The following BAIAP2L1 variants were observed in gnomAD, a reference collection of about 807,000 sequenced individuals.
The protein encoded by BAIAP2L1 is BAR/IMD domain-containing adapter protein 2-like 1.
BAIAP2L1 carries 35 observed loss-of-function variants against 66.3 expected under a neutral mutation model. The observed-to-expected ratio is 0.53, with a 90% CI of 0.40 to 0.70. The LOEUF (loss-of-function observed/expected upper bound fraction) is 0.70. Ranked by LOEUF, BAIAP2L1 falls within the 30% of genes least tolerant of loss-of-function variation. The probability of loss-of-function intolerance (pLI) is 0.00; values close to 1 mark genes in which losing one functional copy is unlikely to be tolerated. For synonymous variants in BAIAP2L1, 269 were observed against 248.7 expected (o/e 1.08, Z -0.77); for missense variants, 622 against 656.9 (o/e 0.95, Z 0.58).
At chr7:98,312,036 T>C in intron 8 of BAIAP2L1, 61 bp downstream of exon 8, 1 of 1,502,000 alleles carries the variant, frequency 6.7e-7, no homozygotes, top group Non-Finnish European at 9.0e-7. Flanking sequence ...ACAGGCAAAT[T>C]TGGCCCAGAT....
At chr7:98,320,179 A>C (rs1414447318) in intron 4 of BAIAP2L1, 50 bp from the exon 5 acceptor site, 1 of 1,590,272 alleles carries the variant, frequency 6.3e-7, no homozygotes, top group Non-Finnish European at 8.6e-7. Flanking sequence ...TTTTAAGCAA[A>C]ATAAGTTCTA....
At chr7:98,344,170 C>T (rs966027876) in intron 3 of BAIAP2L1, among the ~76,000 whole-genome samples, 1 of 152,118 alleles carries the variant, frequency 6.6e-6, no homozygotes, top group African/African-American at 2.4e-5. Context: ...GAGCAAGACT[C>T]CGTTCCAAAA....
intron 1 of BAIAP2L1, among the ~76,000 whole-genome samples, chr7:98,383,283 C>CTTT (rs112746004): frequency 7.3e-6 from 1 of 137,858 alleles, no homozygotes; most frequent in Non-Finnish European, 1.6e-5. Context: ...AACTTTCAAT[C>CTTT]TTTTTTTTTT....
chr7:98,315,517 G>A lies in BAIAP2L1; in HGVS notation c.582C>T (p.Cys194=). 2 of 1,522,322 alleles carry A rather than the reference G, an allele frequency of 1.3e-6. No individual in the cohort carries two copies. Among genetic ancestry groups the A allele is most frequent in the African/African-American group, 1.4e-5 (1 of 71,450 alleles). 94.3% of individuals were successfully genotyped at this position (1,522,322 alleles called of 1,614,324 possible). A position where few individuals can be genotyped will look rare whatever the true frequency, so the allele number is the denominator to read the frequency against. Reference sequence around the variant, plus strand: ...AGCCACAGTGCTTATCAACCAGAAAGCAGAAGCGCCTCTTCTCTTCAAGCA... The same window carrying A: ...AGCCACAGTGCTTATCAACCAGAAAACAGAAGCGCCTCTTCTCTTCAAGCA... The part of the protein sequence containing the change: ...EALLEEKRRF[C]FLVDKHCGFA... Residue 194 remains cysteine, a synonymous_variant, in exon 7 of 14, where the codon TGC becomes TGT. Coordinates refer to ENST00000005260, the MANE Select transcript of BAIAP2L1 (RefSeq NM_018842.5).
chr7:98,311,022 A>G (rs1800849658), intron 8 of BAIAP2L1, among the ~76,000 whole-genome samples: 1 of 152,034 alleles, frequency 6.6e-6, no homozygotes, highest in African/African-American at 2.4e-5. Flanking sequence ...GAAAGAGTGG[A>G]TCCATGTGTT....
intron 1 of BAIAP2L1, among the ~76,000 whole-genome samples, chr7:98,399,069 A>G (rs1051797115): frequency 3.9e-5 from 6 of 152,166 alleles, no homozygotes; most frequent in African/African-American, 1.4e-4. Context: ...TTATTTACAC[A>G]CTTGGTCAGT....
chr7:98,306,640 G>A lies in BAIAP2L1; in HGVS notation c.1164-124C>T, dbSNP rs1011479666. 3.6e-6 allele frequency: 5 copies of A among 1,400,160 alleles called. No individual in the cohort carries two copies. In the African/African-American group the frequency reaches 7.2e-5, roughly 20 times the overall value. The allele number at this position is 1,400,160 out of a possible 1,614,324, so 86.7% of individuals were successfully genotyped here. ...TGCTCCAGAAACGCCCATGTGTGGA[G>A]GAAATGAAATTAAGGCTTTTAATAG... On this transcript the variant is annotated intron_variant, in intron 10 of 13. Transcript: ENST00000005260.
At chr7:98,334,117 A>G (rs1255070840) in intron 3 of BAIAP2L1, among the ~76,000 whole-genome samples, 1 of 152,236 alleles carries the variant, frequency 6.6e-6, no homozygotes, top group Non-Finnish European at 1.5e-5. Context: ...GAAATGAGAA[A>G]TTAGGCAGAA....
intron 10 of BAIAP2L1, chr7:98,307,452 A>G: frequency 7.2e-7 from 1 of 1,390,158 alleles, no homozygotes; most frequent in East Asian, 2.8e-5. Context: ...AACTACTTTC[A>G]GACAGGTGAC....
At chr7:98,384,089 G>C (rs1288369121) in intron 1 of BAIAP2L1, among the ~76,000 whole-genome samples, 1 of 150,448 alleles carries the variant, frequency 6.6e-6, no homozygotes, top group Non-Finnish European at 1.5e-5. Flanking sequence ...GGGAGGCGGA[G>C]ATTGCAGTGA....
At chr7:98,376,585 C>T (rs566111282) in intron 1 of BAIAP2L1, among the ~76,000 whole-genome samples, 2 of 149,938 alleles carry the variant, frequency 1.3e-5, no homozygotes, top group East Asian at 3.9e-4. Flanking sequence ...CTTTGGGAGG[C>T]CGAGGCAGGC....
chr7:98,307,173 C>T (rs1584433988), intron 10 of BAIAP2L1: 3 of 167,032 alleles, frequency 1.8e-5, no homozygotes, highest in Admixed American at 5.7e-5. Context: ...AGTGCAATGG[C>T]GAGATCTCGG....
chr7:98,389,087 C>G lies in BAIAP2L1; in HGVS notation c.51+11715G>C, dbSNP rs939702716. On this transcript the variant is annotated intron_variant, in intron 1 of 13. Transcript: ENST00000005260. ...ATTTGTCACCTGAGGTTTTTGTGGC[C>G]AGAAACAGATTGGTCTATTAACTAA... Among the ~76,000 whole-genome samples, 11 of 152,022 alleles carry G rather than the reference C, an allele frequency of 7.2e-5. 1 individual carries two copies. Among genetic ancestry groups the G allele is most frequent in the Admixed American group, 3.9e-4 (6 of 15,246 alleles).
chr7:98,336,664 C>T (rs1172970368), intron 3 of BAIAP2L1, among the ~76,000 whole-genome samples: 1 of 152,180 alleles, frequency 6.6e-6, no homozygotes, highest in South Asian at 2.1e-4. Context: ...CTCTTACATG[C>T]CCAGTCTTCC....
At chr7:98,333,599 AAAATAAAT>A (rs900167366) in intron 3 of BAIAP2L1, among the ~76,000 whole-genome samples, 2 of 152,084 alleles carry the variant, frequency 1.3e-5, no homozygotes, top group Non-Finnish European at 2.9e-5. Flanking sequence ...ACTCTGTCTC[AAAATAAAT>A]AAATAAATAA....
At chr7:98,391,638 G>A (rs1167020245) in intron 1 of BAIAP2L1, among the ~76,000 whole-genome samples, 2 of 151,580 alleles carry the variant, frequency 1.3e-5, no homozygotes, top group African/African-American at 2.4e-5. Flanking sequence ...CATGAACTTG[G>A]GAGGTGGACG....
At chr7:98,371,709 A>G (rs1354964442) in intron 1 of BAIAP2L1, among the ~76,000 whole-genome samples, 1 of 152,232 alleles carries the variant, frequency 6.6e-6, no homozygotes, top group African/African-American at 2.4e-5. Flanking sequence ...GTGTACATTT[A>G]TAATAAAGTA....
At chr7:98,322,699 G>A (rs2286074) in intron 3 of BAIAP2L1, among the ~76,000 whole-genome samples, 61,239 of 151,940 alleles carry the variant, frequency 0.4, 13,311 homozygotes, top group Middle Eastern at 0.54. Context: ...GTGGGCTTTC[G>A]AGGAGGTCCT....
chr7:98,320,460 C>A (rs1349589593), intron 3 of BAIAP2L1, among the ~76,000 whole-genome samples, 162 bp from the exon 4 acceptor site: 1 of 152,178 alleles, frequency 6.6e-6, no homozygotes, highest in Admixed American at 6.5e-5. Flanking sequence ...CTCAGCCTCC[C>A]AAATAGCTGG....
Sources: allele counts gnomAD v4.1 joint callset (sites outside exome capture counted in the v4.1 genomes callset), GRCh38; gene constraint gnomAD v4.1.1; transcripts MANE v1.5; gene names NCBI Gene and HGNC (gene_info 2026-07-23, HGNC 2026-07-21).